Variants in NIPAL2 observed in about 807,000 individuals in gnomAD.
The protein encoded by NIPAL2 is NIPA-like protein 2.
NIPAL2 carries 43 observed loss-of-function variants against 48.9 expected under a neutral mutation model. That is an observed-to-expected ratio of 0.88 (90% CI 0.69 to 1.13). The LOEUF (loss-of-function observed/expected upper bound fraction) is 1.13, where lower values mean the gene tolerates loss of function less well. NIPAL2 is among the 50% of genes most tolerant of loss of function. The pLI is 0.00. For missense variants in NIPAL2, 446 were observed against 461.4 expected, an observed-to-expected ratio of 0.97 and a Z score of 0.31; for synonymous variants, 167 against 174.6, an observed-to-expected ratio of 0.96 and a Z score of 0.34.
chr8:98,272,443 T>C (rs1346363758), intron 1 of NIPAL2, among the ~76,000 whole-genome samples: 1 of 152,180 alleles, frequency 6.6e-6, no homozygotes, highest in African/African-American at 2.4e-5. Flanking sequence ...TGAATACCAG[T>C]TAACTTGTTT....
At chr8:98,293,839 CTTAGGTCA>C (rs1209948218) in intron 1 of NIPAL2, among the ~76,000 whole-genome samples, 156 bp downstream of exon 1, 1 of 152,194 alleles carries the variant, frequency 6.6e-6, no homozygotes, top group East Asian at 1.9e-4. Context: ...ATGAGGCGGA[CTTAGGTCA>C]ATGCGGGAAA....
Position 98,268,044 on chromosome 8 carries a change from G to A in NIPAL2, c.136-13957C>T, listed in dbSNP as rs114946400. Among the ~76,000 whole-genome samples, 488 of 152,302 alleles carry A rather than the reference G, an allele frequency of 3.2e-3. 1 individual carries two copies. The highest frequency in any genetic ancestry group is 0.011 in the African/African-American group (455 of 41,556). On this transcript the variant is annotated intron_variant, in intron 1 of 10. Transcript: ENST00000430223. The stretch of plus-strand genomic sequence containing the variant: ...TTATACAATAATTAACAGAGGTAGA[G>A]CAACCATAAACTGTACCTGAGTGAA...
At chr8:98,251,251 A>G (rs1813570582) in intron 3 of NIPAL2, among the ~76,000 whole-genome samples, 1 of 152,136 alleles carries the variant, frequency 6.6e-6, no homozygotes, top group Non-Finnish European at 1.5e-5. Flanking sequence ...TATGGAGAAT[A>G]AAACAACATT....
At chr8:98,220,409 T>A (rs78597630) in intron 5 of NIPAL2, among the ~76,000 whole-genome samples, 1 of 96,286 alleles carries the variant, frequency 1.0e-5, no homozygotes, top group South Asian at 3.1e-4. Flanking sequence ...TGTGCTTTGA[T>A]TTTTTTTTTT....
chr8:98,223,529 A>C (rs1812006665), intron 4 of NIPAL2, among the ~76,000 whole-genome samples: 1 of 152,252 alleles, frequency 6.6e-6, no homozygotes, highest in African/African-American at 2.4e-5. Context: ...GGTCAGTGCT[A>C]TTGTGGATAT....
At chr8:98,248,066 T>C (rs1439878388) in intron 3 of NIPAL2, among the ~76,000 whole-genome samples, 3 of 152,200 alleles carry the variant, frequency 2.0e-5, no homozygotes, top group African/African-American at 7.2e-5. Context: ...CAAACTCCTG[T>C]ATTGGTTTTT....
intron 4 of NIPAL2, among the ~76,000 whole-genome samples, chr8:98,233,951 C>A (rs1477886518): frequency 6.6e-6 from 1 of 152,180 alleles, no homozygotes; most frequent in Non-Finnish European, 1.5e-5. Context: ...CAAATGTTAT[C>A]TCTGCTGTAA....
At chr8:98,240,588 A>G (rs1177326279) in intron 3 of NIPAL2, among the ~76,000 whole-genome samples, 3 of 152,192 alleles carry the variant, frequency 2.0e-5, no homozygotes, top group Non-Finnish European at 4.4e-5. Context: ...GGGCCGATAT[A>G]TAAAATTTGC....
intron 1 of NIPAL2, among the ~76,000 whole-genome samples, chr8:98,292,523 A>T (rs977481584): frequency 2.0e-5 from 3 of 152,328 alleles, no homozygotes; most frequent in Middle Eastern, 3.4e-3. Flanking sequence ...ACCTGTACAA[A>T]TACACACTGT....
At chr8:98,212,304 A>G (rs575614520) in intron 6 of NIPAL2, 101 bp downstream of exon 6, 2 of 600,560 alleles carry the variant, frequency 3.3e-6, no homozygotes, top group Admixed American at 5.5e-5. Context: ...AAAAATATAA[A>G]CCATGAGAAA....
chr8:98,277,118 C>T (rs1437999790), intron 1 of NIPAL2, among the ~76,000 whole-genome samples: 4 of 152,192 alleles, frequency 2.6e-5, no homozygotes, highest in African/African-American at 9.7e-5. Flanking sequence ...TAAATAACAG[C>T]TCTATTGAGA....
At chr8:98,286,853 G>A (rs926138916) in intron 1 of NIPAL2, among the ~76,000 whole-genome samples, 3 of 150,032 alleles carry the variant, frequency 2.0e-5, no homozygotes, top group South Asian at 2.1e-4. Context: ...AAACAAACAC[G>A]TTGAGACTGA....
intron 3 of NIPAL2, among the ~76,000 whole-genome samples, chr8:98,248,325 G>T (rs1167908959): frequency 1.3e-5 from 2 of 152,214 alleles, no homozygotes; most frequent in East Asian, 3.8e-4. Flanking sequence ...AGGCATGGAA[G>T]TATGCTCCAT....
chr8:98,292,954 G>A (rs1332075609), intron 1 of NIPAL2, among the ~76,000 whole-genome samples: 1 of 152,024 alleles, frequency 6.6e-6, no homozygotes, highest in Non-Finnish European at 1.5e-5. Context: ...TATCTTTTAT[G>A]ATGAAATGAC....
At chr8:98,199,766 G>A (rs774978945) in intron 8 of NIPAL2, among the ~76,000 whole-genome samples, 16 of 152,038 alleles carry the variant, frequency 1.1e-4, no homozygotes, top group Non-Finnish European at 2.2e-4. Context: ...AGACTTGTTC[G>A]ATGCAGGATT....
intron 3 of NIPAL2, among the ~76,000 whole-genome samples, chr8:98,247,733 C>T (rs752829980): frequency 3.3e-5 from 5 of 152,150 alleles, no homozygotes; most frequent in African/African-American, 4.8e-5. Flanking sequence ...GTGAAGAGAG[C>T]AGAGAGTAAG....
At chr8:98,193,306 C>A in intron 10 of NIPAL2, 1 of 1,513,162 alleles carries the variant, frequency 6.6e-7, no homozygotes, top group Non-Finnish European at 9.2e-7. Flanking sequence ...AGCCACTATC[C>A]CCACCCCACA....
intron 1 of NIPAL2, among the ~76,000 whole-genome samples, chr8:98,287,603 T>G (rs918779620): frequency 6.6e-6 from 1 of 152,246 alleles, no homozygotes; most frequent in African/African-American, 2.4e-5. Flanking sequence ...ATAGGTTGAT[T>G]GCAATGTAAT....
In NIPAL2 at chr8:98,192,858, G is replaced by T; in HGVS notation, c.*120C>A. 1 of 671,390 alleles carries T rather than the reference G, an allele frequency of 1.5e-6. No homozygotes were observed. Among genetic ancestry groups the T allele is most frequent in the Non-Finnish European group, 2.7e-6 (1 of 373,574 alleles). 41.6% of individuals were successfully genotyped at this position (671,390 alleles called of 1,614,324 possible). On this transcript the variant is annotated 3_prime_UTR_variant, in exon 11 of 11. Coordinates refer to ENST00000430223, the MANE Select transcript of NIPAL2 (RefSeq NM_001321635.2). ...CCATAGACGCTGAGGTGGGGGAAAG[G>T]ACTGAAATGAATGCTAGCACATGTT...
Sources: allele counts gnomAD v4.1 joint callset (sites outside exome capture counted in the v4.1 genomes callset), GRCh38; gene constraint gnomAD v4.1.1; transcripts MANE v1.5; gene names NCBI Gene and HGNC (gene_info 2026-07-23, HGNC 2026-07-21).